The following GPATCH2L variants were observed in gnomAD, a reference collection of about 807,000 sequenced individuals.
GPATCH2L encodes the protein G patch domain-containing protein 2-like.
In GPATCH2L, 31 loss-of-function variants were observed where a neutral mutation model predicts 57.4. The ratio of observed to expected loss-of-function variants is 0.54; its 90% CI spans 0.41 to 0.73. The LOEUF (loss-of-function observed/expected upper bound fraction) is 0.73. Among genes scored for constraint, GPATCH2L ranks in the 30% least tolerant of loss-of-function variants. The pLI, the probability that GPATCH2L is intolerant of heterozygous loss-of-function variation, is 0.00. For synonymous variants in GPATCH2L, 199 were observed against 210.7 expected, an observed-to-expected ratio of 0.94 and a Z score of 0.48; for missense variants, 481 against 599.9, an observed-to-expected ratio of 0.80 and a Z score of 2.07.
intron 9 of GPATCH2L, among the ~76,000 whole-genome samples, chr14:76,197,435 G>C (rs979975389): frequency 1.3e-5 from 2 of 152,288 alleles, no homozygotes; most frequent in Non-Finnish European, 1.5e-5. Flanking sequence ...GTACGTGTGT[G>C]GGGGTGGGTA....
intron 4 of GPATCH2L, among the ~76,000 whole-genome samples, chr14:76,172,690 A>G (rs570568118): frequency 1.3e-5 from 2 of 152,222 alleles, no homozygotes; most frequent in Admixed American, 6.5e-5. Flanking sequence ...TTCTTTTAGC[A>G]CTATAAATTT....
chr14:76,197,316 CT>C (rs2040184550), intron 9 of GPATCH2L, among the ~76,000 whole-genome samples: 1 of 152,070 alleles, frequency 6.6e-6, no homozygotes, highest in South Asian at 2.1e-4. Flanking sequence ...TCTTTTTGTT[CT>C]TTTTTTCTCC....
Position 76,207,679 on chromosome 14 carries a change from G to T in GPATCH2L, c.*5828G>T, listed in dbSNP as rs902563569. 1 of 152,118 alleles carries T rather than the reference G, an allele frequency of 6.6e-6. No individual in the cohort carries two copies. The highest frequency in any genetic ancestry group is 2.4e-5 in the African/African-American group (1 of 41,430). 9.4% of individuals were successfully genotyped at this position (152,118 alleles called of 1,614,324 possible). ...TTCTGTGATCCCACTTAATCACACC[G>T]TGTTTTCTTTTTTTAGATTTCAGCT... On this transcript the variant is annotated 3_prime_UTR_variant, in exon 10 of 10. Transcript: ENST00000261530.
chr14:76,199,962 A>G (rs964776092), intron 9 of GPATCH2L, among the ~76,000 whole-genome samples: 12 of 152,242 alleles, frequency 7.9e-5, no homozygotes, highest in African/African-American at 2.7e-4. Context: ...TGCCGTATAT[A>G]TACAATGGAA....
chr14:76,190,391 TTTTAGTGCTCATTC>T (rs1427206470), intron 8 of GPATCH2L, among the ~76,000 whole-genome samples: 1 of 152,092 alleles, frequency 6.6e-6, no homozygotes, highest in Non-Finnish European at 1.5e-5. Flanking sequence ...AATTTTTTGC[TTTTAGTGCTCATTC>T]TTCCAACTCT....
intron 2 of GPATCH2L, among the ~76,000 whole-genome samples, chr14:76,161,173 A>C: frequency 6.6e-6 from 1 of 152,196 alleles, no homozygotes. Flanking sequence ...AAAAAACTGG[A>C]AAACGATAGA....
chr14:76,186,377 C>T (rs1403351178), intron 8 of GPATCH2L, among the ~76,000 whole-genome samples: 7 of 152,170 alleles, frequency 4.6e-5, no homozygotes, highest in Admixed American at 2.0e-4. Flanking sequence ...GTGTGCCCAG[C>T]TGGCTGTGCC....
In GPATCH2L at chr14:76,209,163, T is replaced by C. The variant is rs1256802008; in HGVS notation, c.*7312T>C. 2 of 152,530 alleles carry C rather than the reference T, an allele frequency of 1.3e-5. No individual in the cohort carries two copies. Among genetic ancestry groups the C allele is most frequent in the African/African-American group, 4.8e-5 (2 of 41,454 alleles). The allele number at this position is 152,530 out of a possible 1,614,324, so 9.4% of individuals were successfully genotyped here. ...CCTTTCCTGACCCTACTTTCCTGAT[T>C]TTTCTGCCACTTCTTTGCTCTTTCT... is the stretch of plus-strand genomic sequence containing the variant. On this transcript the variant is annotated 3_prime_UTR_variant, in exon 10 of 10. Transcript: ENST00000261530.
At chr14:76,167,844 CAG>C (rs2038914447) in intron 3 of GPATCH2L, among the ~76,000 whole-genome samples, 1 of 152,166 alleles carries the variant, frequency 6.6e-6, no homozygotes, top group African/African-American at 2.4e-5. Flanking sequence ...ATATACTATT[CAG>C]AGTTACCAAT....
intron 8 of GPATCH2L, among the ~76,000 whole-genome samples, chr14:76,187,879 C>T (rs371132517): frequency 6.6e-6 from 1 of 152,178 alleles, no homozygotes; most frequent in South Asian, 2.1e-4. Context: ...TTACCCTTCC[C>T]AGCCTCTGGT....
chr14:76,171,733 A>G (rs2039094815), intron 3 of GPATCH2L, 110 bp from the exon 4 acceptor site: 1 of 719,280 alleles, frequency 1.4e-6, no homozygotes, highest in East Asian at 2.8e-5. Context: ...AAAAAGGAAA[A>G]AAAAAAAAAA....
intron 8 of GPATCH2L, among the ~76,000 whole-genome samples, chr14:76,186,826 T>G (rs570230193): frequency 1.3e-5 from 2 of 152,186 alleles, no homozygotes; most frequent in East Asian, 3.8e-4. Context: ...TTGGCTCTTA[T>G]GGGCGGCATG....
chr14:76,153,298 A>G lies in GPATCH2L; in HGVS notation c.-10-1056A>G, dbSNP rs2038141324. On this transcript the variant is annotated intron_variant, in intron 1 of 9. Transcript: ENST00000261530. ...GGCATAGAGGCAAGAGAAAAGTGCT[A>G]AAAATTTAATATGTATTTAATTAGA... is the stretch of plus-strand genomic sequence containing the variant. Among the ~76,000 whole-genome samples, 4 of 152,252 alleles carry G rather than the reference A, an allele frequency of 2.6e-5. No homozygotes were observed. The South Asian group carries it at 8.3e-4, about 32-fold the overall frequency.
chr14:76,171,992 C>T lies in GPATCH2L; in HGVS notation c.877C>T (p.Leu293Phe), dbSNP rs1477845639. 1.9e-6 allele frequency: 3 copies of T among 1,611,002 alleles called. No homozygotes were observed. Among genetic ancestry groups the T allele is most frequent in the South Asian group, 1.1e-5 (1 of 90,486 alleles). Reference protein sequence around the residue: ...GLDKFSDSTFLLPSRPAQRGY... With the variant: ...GLDKFSDSTFFLPSRPAQRGY... ...GGATAAATTTTCAGATTCCACATTC[C>T]TTTTACCTTCTCGGCCAGCTCAAAG... The change falls in exon 4 of 10, where the codon CTT (leucine) becomes TTT (phenylalanine). Residue 293 changes from leucine to phenylalanine, a missense_variant. By Grantham distance (22) the Leu-to-Phe change is conservative. Around this residue, in one of 3 missense-constraint regions of GPATCH2L, gnomAD observed 248 missense variants for 270.5 expected, o/e 0.92. Transcript: ENST00000261530.
chr14:76,173,500 A>T, intron 4 of GPATCH2L, 46 bp from the exon 5 acceptor site: 1 of 1,242,896 alleles, frequency 8.0e-7, no homozygotes, highest in Non-Finnish European at 1.2e-6. Flanking sequence ...AGGATTGCAT[A>T]TGGATTTTCT....
intron 2 of GPATCH2L, among the ~76,000 whole-genome samples, chr14:76,232,143 C>T (rs2040574769): frequency 6.6e-6 from 1 of 152,200 alleles, no homozygotes. Flanking sequence ...AACTCTTGGG[C>T]TCAAGCCATC....
chr14:76,214,961 G>T (rs535387722), downstream of GPATCH2L, among the ~76,000 whole-genome samples: 2 of 152,002 alleles, frequency 1.3e-5, no homozygotes, highest in African/African-American at 2.4e-5. Flanking sequence ...GAGGTTTGGG[G>T]TATGAATGAC....
chr14:76,173,792 G>A, intron 5 of GPATCH2L, 167 bp downstream of exon 5: 3 of 525,896 alleles, frequency 5.7e-6, no homozygotes, highest in Non-Finnish European at 6.9e-6. Context: ...AATGTGAATG[G>A]ATATACAAAT....
intron 1 of GPATCH2L, among the ~76,000 whole-genome samples, chr14:76,226,680 A>G (rs539727332): frequency 6.6e-6 from 1 of 152,134 alleles, no homozygotes; most frequent in African/African-American, 2.4e-5. Flanking sequence ...GCGTGGGTTC[A>G]CCCCCTTCCA....
Sources: allele counts gnomAD v4.1 joint callset (sites outside exome capture counted in the v4.1 genomes callset), GRCh38; gene constraint gnomAD v4.1.1; regional missense constraint gnomAD v4.1.1; transcripts MANE v1.5; gene names NCBI Gene and HGNC (gene_info 2026-07-23, HGNC 2026-07-21).